CREB5: variants seen among roughly 807,000 people sequenced by gnomAD.
CREB5 encodes the protein cAMP responsive element binding protein 5.
CREB5 carries 19 observed loss-of-function variants against 57.1 expected under a neutral mutation model. The observed-to-expected ratio is 0.33, with a 90% CI of 0.23 to 0.49. The LOEUF (loss-of-function observed/expected upper bound fraction) is 0.49, where lower values mean the gene tolerates loss of function less well. CREB5 is among the 20% of genes least tolerant of loss of function. The probability of loss-of-function intolerance (pLI) is 0.99; values close to 1 mark genes in which losing one functional copy is unlikely to be tolerated. For synonymous variants in CREB5, 238 were observed against 238.3 expected (o/e 1.00, Z 0.01); for missense variants, 579 against 671.6 (o/e 0.86, Z 1.52).
At chr7:28,648,009 T>C (rs1362618870) in intron 5 of CREB5, among the ~76,000 whole-genome samples, 1 of 152,200 alleles carries the variant, frequency 6.6e-6, no homozygotes, top group Non-Finnish European at 1.5e-5. Flanking sequence ...AGCTACTGTA[T>C]TGGACACAGC....
At chr7:28,759,515 A>G (rs1805528324) in intron 7 of CREB5, among the ~76,000 whole-genome samples, 1 of 152,216 alleles carries the variant, frequency 6.6e-6, no homozygotes, top group Non-Finnish European at 1.5e-5. Context: ...GAAATTATAG[A>G]TGCACAATTA....
chr7:28,518,250 G>A (rs531141046), intron 4 of CREB5, among the ~76,000 whole-genome samples: 1 of 152,290 alleles, frequency 6.6e-6, no homozygotes, highest in East Asian at 1.9e-4. Flanking sequence ...GCTGGGCACA[G>A]CCTTTTTCTG....
chr7:28,797,813 G>C (rs571484566), intron 7 of CREB5, among the ~76,000 whole-genome samples: 5 of 152,304 alleles, frequency 3.3e-5, no homozygotes, highest in African/African-American at 1.2e-4. Context: ...AGAAATCTTT[G>C]ATACCTAGAG....
chr7:28,345,271 GTCTT>G (rs773205565), intron 1 of CREB5, among the ~76,000 whole-genome samples: 3 of 37,424 alleles, frequency 8.0e-5, no homozygotes, highest in African/African-American at 1.5e-4. Context: ...CACAAAACAA[GTCTT>G]TTTTTTTTTT....
chr7:28,461,075 T>G (rs1226967734), intron 1 of CREB5, among the ~76,000 whole-genome samples: 1 of 150,812 alleles, frequency 6.6e-6, no homozygotes, highest in Non-Finnish European at 1.5e-5. Flanking sequence ...CCACAAAAAC[T>G]TATCAGGTTT....
At position 28,804,284 on chromosome 7, in the gene CREB5, G is replaced by T; in HGVS notation, c.788G>T (p.Gly263Val). The change falls in exon 8 of 11, where the codon GGC becomes GTC. Residue 263 changes from glycine to valine, a missense_variant. Around this residue, in one of 3 missense-constraint regions of CREB5, gnomAD observed 459 missense variants for 515.7 expected, o/e 0.89. Coordinates refer to ENST00000357727, the MANE Select transcript of CREB5 (RefSeq NM_182898.4). ...NTMGHMMEMM[G>V]SRQDQTPHHH... ...ATGGGACACATGATGGAGATGATGG[G>T]CTCCCGGCAGGACCAGACGCCACAC... The T allele has an allele frequency of 6.2e-7, 1 of 1,613,942 alleles. No homozygotes were observed.
chr7:28,342,661 A>G (rs1163731206), intron 1 of CREB5, among the ~76,000 whole-genome samples: 2 of 152,182 alleles, frequency 1.3e-5, no homozygotes, highest in East Asian at 1.9e-4. Context: ...CTCCATCTCT[A>G]TTTACAACCC....
intron 5 of CREB5, among the ~76,000 whole-genome samples, chr7:28,598,113 T>G (rs1419647478): frequency 6.6e-6 from 1 of 152,106 alleles, no homozygotes; most frequent in East Asian, 1.9e-4. Flanking sequence ...AATTCCCACA[T>G]GTTGTGGGAG....
intron 4 of CREB5, among the ~76,000 whole-genome samples, chr7:28,551,748 C>T (rs996142893): frequency 6.6e-6 from 1 of 152,154 alleles, no homozygotes; most frequent in Non-Finnish European, 1.5e-5. Flanking sequence ...GCTCTCACAC[C>T]TGCCATGCCA....
intron 1 of CREB5, among the ~76,000 whole-genome samples, chr7:28,374,111 TA>T (rs1786773966): frequency 6.6e-6 from 1 of 152,096 alleles, no homozygotes; most frequent in Non-Finnish European, 1.5e-5. Flanking sequence ...AATAAGCATA[TA>T]AAAAGTGCTT....
intron 5 of CREB5, among the ~76,000 whole-genome samples, chr7:28,672,186 A>C (rs71532956): frequency 0.75 from 106,342 of 141,818 alleles, 38,385 homozygotes; most frequent in Middle Eastern, 0.83. Context: ...AAAAAAAAAA[A>C]AAACACACAC....
At chr7:28,630,845 A>G (rs1798173823) in intron 5 of CREB5, among the ~76,000 whole-genome samples, 2 of 152,214 alleles carry the variant, frequency 1.3e-5, no homozygotes, top group Non-Finnish European at 2.9e-5. Flanking sequence ...GTCTTTCAAT[A>G]TTTAGTCAAC....
intron 5 of CREB5, among the ~76,000 whole-genome samples, chr7:28,646,180 C>T (rs999266707): frequency 2.6e-5 from 4 of 152,178 alleles, no homozygotes; most frequent in Admixed American, 6.5e-5. Flanking sequence ...TATTTTCTAT[C>T]GGTTCTGTTT....
Position 28,662,105 on chromosome 7 carries a change from C to G in CREB5, c.465-56648C>G, listed in dbSNP as rs1357735581. ...GGGCTGCTCTTCTAGCGGCCTAGAC[C>G]TGATCCTCCAGAGAACTTTGTAAAA... is the stretch of plus-strand genomic sequence containing the variant. On this transcript the variant is annotated intron_variant, in intron 5 of 10. Coordinates refer to ENST00000357727, the MANE Select transcript of CREB5 (RefSeq NM_182898.4). Among the ~76,000 whole-genome samples, 4 of 152,172 alleles carry G rather than the reference C, an allele frequency of 2.6e-5. No homozygotes were observed. In the East Asian group the frequency reaches 7.7e-4, roughly 29 times the overall value.
At chr7:28,547,319 T>C (rs1333847772) in intron 4 of CREB5, among the ~76,000 whole-genome samples, 3 of 152,250 alleles carry the variant, frequency 2.0e-5, no homozygotes, top group African/African-American at 7.2e-5. Flanking sequence ...TTCACCTTTC[T>C]ATTTTTTCAT....
intron 5 of CREB5, among the ~76,000 whole-genome samples, chr7:28,688,610 A>G (rs546845745): frequency 1.3e-5 from 2 of 152,328 alleles, no homozygotes; most frequent in South Asian, 4.1e-4. Flanking sequence ...GGCAAATTCC[A>G]GGGTAGTAGC....
chr7:28,470,879 T>C (rs1222364866), intron 1 of CREB5, among the ~76,000 whole-genome samples: 1 of 152,242 alleles, frequency 6.6e-6, no homozygotes, highest in African/African-American at 2.4e-5. Context: ...ATGTCTTCTT[T>C]TGAGAAATGT....
intron 7 of CREB5, among the ~76,000 whole-genome samples, chr7:28,803,442 AT>A (rs1360779652): frequency 6.6e-6 from 1 of 152,178 alleles, no homozygotes; most frequent in East Asian, 1.9e-4. Context: ...AGGCAAGAGC[AT>A]TTGTTCTTGT....
intron 4 of CREB5, among the ~76,000 whole-genome samples, chr7:28,528,408 A>G (rs552608868): frequency 2.6e-5 from 4 of 152,344 alleles, no homozygotes; most frequent in Admixed American, 2.6e-4. Context: ...TCAGTGTGCT[A>G]TACAAATGAG....
Sources: allele counts gnomAD v4.1 joint callset (sites outside exome capture counted in the v4.1 genomes callset), GRCh38; gene constraint gnomAD v4.1.1; regional missense constraint gnomAD v4.1.1; transcripts MANE v1.5; gene names NCBI Gene and HGNC (gene_info 2026-07-23, HGNC 2026-07-21).